The following DGKI variants were observed in gnomAD, a reference collection of about 807,000 sequenced individuals.
DGKI encodes DAG kinase iota.
DGKI carries 55 observed loss-of-function variants against 147.5 expected under a neutral mutation model. That is an observed-to-expected ratio of 0.37 (90% CI 0.30 to 0.47). The LOEUF is 0.47. Among genes scored for constraint, DGKI ranks in the 20% least tolerant of loss-of-function variants. The pLI, the probability that DGKI is intolerant of heterozygous loss-of-function variation, is 1.00. For synonymous variants in DGKI, 469 were observed against 477.1 expected, an observed-to-expected ratio of 0.98 and a Z score of 0.22; for missense variants, 1,007 against 1,323.8, an observed-to-expected ratio of 0.76 and a Z score of 3.71.
chr7:137,728,095 G>C (rs1794763556), intron 1 of DGKI, among the ~76,000 whole-genome samples: 1 of 152,124 alleles, frequency 6.6e-6, no homozygotes, highest in Non-Finnish European at 1.5e-5. Context: ...AGTTATTCTT[G>C]AACATGGTTT....
At chr7:137,394,427 C>T (rs975881056) in intron 32 of DGKI, among the ~76,000 whole-genome samples, 9 of 151,952 alleles carry the variant, frequency 5.9e-5, no homozygotes, top group East Asian at 1.9e-4. Flanking sequence ...TGTTGATCTT[C>T]TATGTAAACT....
chr7:137,574,409 T>C (rs754127069), intron 17 of DGKI, among the ~76,000 whole-genome samples: 3 of 152,198 alleles, frequency 2.0e-5, no homozygotes, highest in Non-Finnish European at 4.4e-5. Context: ...AATTGCATGT[T>C]ATAAGCAACT....
chr7:137,588,017 A>T (rs1183258186), intron 12 of DGKI, among the ~76,000 whole-genome samples: 1 of 152,212 alleles, frequency 6.6e-6, no homozygotes, highest in Non-Finnish European at 1.5e-5. Context: ...TTATAATGTC[A>T]TACTAAAATA....
At chr7:137,748,953 A>G (rs1378280823) in intron 1 of DGKI, among the ~76,000 whole-genome samples, 2 of 152,222 alleles carry the variant, frequency 1.3e-5, no homozygotes, top group African/African-American at 4.8e-5. Context: ...GAGTTAGATG[A>G]CAAGATAATT....
chr7:137,623,331 A>T, intron 7 of DGKI, 152 bp downstream of exon 7: 1 of 681,234 alleles, frequency 1.5e-6, no homozygotes, highest in East Asian at 2.6e-5. Flanking sequence ...CTATAGTTTC[A>T]GTCTGTCTTT....
At chr7:137,803,137 G>A (rs1207892362) in intron 1 of DGKI, among the ~76,000 whole-genome samples, 2 of 152,162 alleles carry the variant, frequency 1.3e-5, no homozygotes. Flanking sequence ...AGCGATTAAA[G>A]GTTTCTACAT....
At chr7:137,626,074 C>G (rs537504410) in intron 6 of DGKI, among the ~76,000 whole-genome samples, 6 of 152,228 alleles carry the variant, frequency 3.9e-5, no homozygotes, top group African/African-American at 1.4e-4. Context: ...GAAGCTTGTG[C>G]CTGGCCTCCT....
intron 1 of DGKI, among the ~76,000 whole-genome samples, chr7:137,798,289 T>C (rs545233630): frequency 3.3e-5 from 5 of 152,154 alleles, no homozygotes; most frequent in Non-Finnish European, 7.3e-5. Context: ...CAATCATTCA[T>C]AAAATCTTGT....
chr7:137,407,303 A>G (rs1470933277), intron 30 of DGKI, among the ~76,000 whole-genome samples: 1 of 152,248 alleles, frequency 6.6e-6, no homozygotes. Flanking sequence ...ATCTGGCACC[A>G]ACTATTAGAA....
At chr7:137,764,193 C>G (rs1163881979) in intron 1 of DGKI, among the ~76,000 whole-genome samples, 1 of 152,022 alleles carries the variant, frequency 6.6e-6, no homozygotes, top group Non-Finnish European at 1.5e-5. Flanking sequence ...CCCCTCCCCT[C>G]CTCTGACTCT....
intron 1 of DGKI, among the ~76,000 whole-genome samples, chr7:137,706,256 C>A (rs1794019271): frequency 6.6e-6 from 1 of 151,694 alleles, no homozygotes; most frequent in African/African-American, 2.4e-5. Context: ...AGATACAAAC[C>A]ACTGGGGTCT....
chr7:137,440,230 G>T (rs985334090), intron 28 of DGKI, among the ~76,000 whole-genome samples: 20 of 152,164 alleles, frequency 1.3e-4, no homozygotes, highest in Non-Finnish European at 1.9e-4. Flanking sequence ...TAGGGCTCCA[G>T]TTTCCAGATG....
intron 30 of DGKI, among the ~76,000 whole-genome samples, chr7:137,404,853 G>A (rs191454230): frequency 7.8e-4 from 118 of 152,112 alleles, no homozygotes; most frequent in African/African-American, 2.7e-3. Flanking sequence ...GAGTCAATGC[G>A]GGGTGATGAG....
chr7:137,675,314 T>G (rs1224524982), intron 3 of DGKI, among the ~76,000 whole-genome samples: 2 of 139,268 alleles, frequency 1.4e-5, no homozygotes, highest in Non-Finnish European at 2.9e-5. Context: ...GACAAAGTTC[T>G]TTCTTATCAT....
At chr7:137,489,335 G>C (rs760019284) in intron 21 of DGKI, among the ~76,000 whole-genome samples, 1 of 152,140 alleles carries the variant, frequency 6.6e-6, no homozygotes, top group Non-Finnish European at 1.5e-5. Context: ...CAAGAAACAA[G>C]GTAAGCAAAA....
chr7:137,563,043 T>G (rs776498377), intron 19 of DGKI, among the ~76,000 whole-genome samples: 3 of 152,022 alleles, frequency 2.0e-5, no homozygotes, highest in Non-Finnish European at 4.4e-5. Context: ...TATCTAGCAA[T>G]ATAAAAATGA....
At chr7:137,809,784 G>A (rs1055179328) in intron 1 of DGKI, among the ~76,000 whole-genome samples, 1 of 152,056 alleles carries the variant, frequency 6.6e-6, no homozygotes, top group Non-Finnish European at 1.5e-5. Context: ...TGTGCCTGTG[G>A]TTCCAGCTAC....
At chr7:137,480,793 A>G (rs1221303417) in intron 23 of DGKI, among the ~76,000 whole-genome samples, 4 of 152,118 alleles carry the variant, frequency 2.6e-5, no homozygotes, top group Non-Finnish European at 5.9e-5. Flanking sequence ...TATGCACTAA[A>G]ATCTCAAGTT....
At chr7:137,586,537 C>T (rs1463483200) in intron 13 of DGKI, among the ~76,000 whole-genome samples, 2 of 151,950 alleles carry the variant, frequency 1.3e-5, no homozygotes, top group Admixed American at 6.6e-5. Context: ...CTATAACATA[C>T]GTAAGTAAAT....
Sources: allele counts gnomAD v4.1 joint callset (sites outside exome capture counted in the v4.1 genomes callset), GRCh38; gene constraint gnomAD v4.1.1; transcripts MANE v1.5; gene names NCBI Gene and HGNC (gene_info 2026-07-23, HGNC 2026-07-21).